The following RAP1GAP2 variants were observed in gnomAD, a reference collection of about 807,000 sequenced individuals.
RAP1GAP2 encodes the protein rap1 GTPase-activating protein 2.
Under a neutral mutation model 95.0 loss-of-function variants are expected in RAP1GAP2, and 27 were observed. The ratio of observed to expected loss-of-function variants is 0.28; its 90% CI spans 0.21 to 0.39. The LOEUF is 0.39. RAP1GAP2 is among the 10% of genes least tolerant of loss of function. The pLI is 1.00. For synonymous variants in RAP1GAP2, 373 were observed against 380.9 expected (o/e 0.98, Z 0.24); for missense variants, 771 against 970.0 (o/e 0.79, Z 2.72).
chr17:2,967,208 A>C (rs940059178), intron 8 of RAP1GAP2, among the ~76,000 whole-genome samples: 4 of 152,036 alleles, frequency 2.6e-5, no homozygotes, highest in Non-Finnish European at 4.4e-5. Flanking sequence ...CTCTACTAAA[A>C]ATACAAAAAA....
At chr17:2,909,035 C>T (rs757953093) in intron 3 of RAP1GAP2, among the ~76,000 whole-genome samples, 9 of 152,104 alleles carry the variant, frequency 5.9e-5, no homozygotes, top group Non-Finnish European at 8.8e-5. Context: ...CTGAGTTGGA[C>T]GTGCCTGAGG....
chr17:2,983,139 C>T (rs2045430185), intron 10 of RAP1GAP2, among the ~76,000 whole-genome samples: 1 of 152,218 alleles, frequency 6.6e-6, no homozygotes, highest in Non-Finnish European at 1.5e-5. Flanking sequence ...GTGTGGCAAC[C>T]TCACACAGGC....
chr17:2,988,831 G>T (rs964830672), intron 11 of RAP1GAP2, among the ~76,000 whole-genome samples: 2 of 152,240 alleles, frequency 1.3e-5, no homozygotes, highest in Non-Finnish European at 2.9e-5. Context: ...GGAGGCCGAG[G>T]TGGGCGGATC....
chr17:2,761,979 C>CTTTTTTTTT, intron 1 of RAP1GAP2, among the ~76,000 whole-genome samples: 1 of 77,746 alleles, frequency 1.3e-5, no homozygotes. Flanking sequence ...GTTTATATAT[C>CTTTTTTTTT]TTTTTTTTTT....
In RAP1GAP2 at chr17:3,033,520, T is replaced by A. The variant is rs2047392902; in HGVS notation, c.*159T>A. The A allele has an allele frequency of 6.5e-6, 1 of 153,108 alleles. No individual in the cohort carries two copies. Among genetic ancestry groups the A allele is most frequent in the Non-Finnish European group, 1.5e-5 (1 of 68,490 alleles). The allele number at this position is 153,108 out of a possible 1,614,324, so 9.5% of individuals were successfully genotyped here. On this transcript the variant is annotated 3_prime_UTR_variant, in exon 25 of 25. Coordinates refer to ENST00000254695, the MANE Select transcript of RAP1GAP2 (RefSeq NM_015085.5). The surrounding 1 kb of genome is among the most constrained non-coding windows in gnomAD (Gnocchi z 4.9). ...CACAGATGTGCTGTTGGTCCAGGTG[T>A]CCCAGTCTGGCCACAGCCCTGCCTC... is the stretch of plus-strand genomic sequence containing the variant.
chr17:2,965,760 T>A lies in RAP1GAP2; in HGVS notation c.596+117T>A. ...ACTGACCAGTCTGGTCTGGGTGCAC[T>A]GGCTGACGGGGACAGGCCTGCTGGA... On this transcript the variant is annotated intron_variant, in intron 8 of 24. Transcript: ENST00000254695. The surrounding 1 kb of genome is among the most constrained non-coding windows in gnomAD (Gnocchi z 4.7). 1 of 773,606 alleles carries A rather than the reference T, an allele frequency of 1.3e-6. No homozygotes were observed. Among genetic ancestry groups the A allele is most frequent in the Non-Finnish European group, 2.1e-6 (1 of 474,006 alleles). 47.9% of individuals were successfully genotyped at this position (773,606 alleles called of 1,614,324 possible). A position where few individuals can be genotyped will look rare whatever the true frequency, so the allele number is the denominator to read the frequency against.
In RAP1GAP2 at chr17:2,759,438, G is replaced by A. The variant is rs374990164; in HGVS notation, c.50+3671G>A. On this transcript the variant is annotated intron_variant, in intron 1 of 25. Coordinates refer to the RAP1GAP2 transcript ENST00000637138. ...TGGGACTACAGGCACGTGCCACCACGCCCAGCTAATTTTTTGTATTTTATT... is the reference window on the plus strand; with the variant it reads ...TGGGACTACAGGCACGTGCCACCACACCCAGCTAATTTTTTGTATTTTATT... Among the ~76,000 whole-genome samples the A allele has an allele frequency of 7.9e-5, 12 of 151,830 alleles. No individual in the cohort carries two copies. In the South Asian group the frequency reaches 1.3e-3, roughly 16 times the overall value.
In RAP1GAP2 at chr17:2,810,027, C is replaced by A. The variant is rs547105911; in HGVS notation, c.80+9477C>A. ...TGGCTTGTGCTGGGACCCTCCCCTC[C>A]CCCCGCCCCACCCCAGGAGTTCCTT... is the stretch of plus-strand genomic sequence containing the variant. On this transcript the variant is annotated intron_variant, in intron 2 of 24. Transcript: ENST00000254695. Among the ~76,000 whole-genome samples, 158 of 149,252 alleles carry A rather than the reference C, an allele frequency of 1.1e-3. 8 individuals are homozygous for A. The highest frequency in any genetic ancestry group is 3.5e-3 in the African/African-American group (140 of 40,520).
intron 2 of RAP1GAP2, among the ~76,000 whole-genome samples, chr17:2,876,949 C>T (rs548102252): frequency 2.8e-5 from 4 of 144,428 alleles, no homozygotes; most frequent in East Asian, 2.0e-4. Flanking sequence ...AGTGCAGTGG[C>T]GTGATCTTGG....
At chr17:2,816,377 G>A (rs985402364) in intron 2 of RAP1GAP2, among the ~76,000 whole-genome samples, 15 of 151,648 alleles carry the variant, frequency 9.9e-5, no homozygotes, top group South Asian at 6.2e-4. Flanking sequence ...TCACTCTGTC[G>A]CCCAGGCTGA....
chr17:3,015,142 C>T (rs1392229963), intron 17 of RAP1GAP2, among the ~76,000 whole-genome samples: 6 of 152,138 alleles, frequency 3.9e-5, no homozygotes, highest in South Asian at 2.1e-4. Flanking sequence ...GTAAATAGAA[C>T]GCGCTGACTG....
intron 2 of RAP1GAP2, among the ~76,000 whole-genome samples, chr17:2,859,153 C>G (rs1370608491): frequency 2.7e-5 from 4 of 149,124 alleles, no homozygotes; most frequent in African/African-American, 9.9e-5. Flanking sequence ...CTCTGTCACC[C>G]AGGCTGGAGT....
At chr17:2,931,280 TTGTG>T (rs34690298) in intron 3 of RAP1GAP2, among the ~76,000 whole-genome samples, 17,009 of 146,630 alleles carry the variant, frequency 0.12, 1,067 homozygotes, top group Non-Finnish European at 0.14. Flanking sequence ...TGAGTGTTTC[TTGTG>T]TGTGTGTGTG....
intron 8 of RAP1GAP2, among the ~76,000 whole-genome samples, chr17:2,978,419 C>G (rs1366433414): frequency 6.6e-6 from 1 of 151,986 alleles, no homozygotes; most frequent in South Asian, 2.1e-4. Context: ...GGGTAGGGAG[C>G]GTGTAGGGCG....
chr17:2,972,105 A>C (rs373651098), intron 8 of RAP1GAP2, among the ~76,000 whole-genome samples: 2 of 152,342 alleles, frequency 1.3e-5, no homozygotes, highest in African/African-American at 2.4e-5. Context: ...CCTTTCTAGG[A>C]AAGTATGCCA....
At chr17:2,878,598 G>T (rs528502345) in intron 2 of RAP1GAP2, among the ~76,000 whole-genome samples, 19 of 152,314 alleles carry the variant, frequency 1.2e-4, no homozygotes, top group African/African-American at 4.1e-4. Flanking sequence ...TTAGGGCAGG[G>T]GTTTCTCTCG....
intron 2 of RAP1GAP2, among the ~76,000 whole-genome samples, chr17:2,875,581 G>C (rs2073058616): frequency 6.6e-6 from 1 of 152,150 alleles, no homozygotes; most frequent in African/African-American, 2.4e-5. Flanking sequence ...TCATGGAGCG[G>C]GTGAGAGGGA....
At chr17:2,912,142 T>A (rs914175033) in intron 3 of RAP1GAP2, among the ~76,000 whole-genome samples, 1 of 152,198 alleles carries the variant, frequency 6.6e-6, no homozygotes, top group African/African-American at 2.4e-5. Context: ...CTATGGTAGG[T>A]AAGGCAGGTG....
chr17:2,845,784 C>A (rs2071558979), intron 2 of RAP1GAP2, among the ~76,000 whole-genome samples: 2 of 151,868 alleles, frequency 1.3e-5, no homozygotes, highest in Non-Finnish European at 1.5e-5. Context: ...TCGCTTGAAC[C>A]CTGTAGGCGA....
Sources: gnomAD v4.1 joint callset for allele counts (sites outside exome capture counted in the v4.1 genomes callset) on GRCh38, gnomAD v4.1.1 for gene constraint, Gnocchi (gnomAD v3.1) non-coding constraint, MANE v1.5 for transcripts, NCBI Gene and HGNC (gene_info 2026-07-23, HGNC 2026-07-21) for gene names.